Variants in ARL9 observed in about 807,000 individuals in gnomAD.
ARL9 encodes the protein ARF like GTPase 9, also known as ADP-ribosylation factor-like protein 9.
ARL9 carries 14 observed loss-of-function variants against 27.0 expected under a neutral mutation model. The observed-to-expected ratio is 0.52, with a 90% CI of 0.34 to 0.81. ARL9 has a LOEUF of 0.81. Ranked by LOEUF, ARL9 falls within the 30% of genes least tolerant of loss-of-function variation. The pLI, the probability that ARL9 is intolerant of heterozygous loss-of-function variation, is 0.01. For synonymous variants in ARL9, 106 were observed against 108.7 expected, an observed-to-expected ratio of 0.98 and a Z score of 0.15; for missense variants, 294 against 290.0, an observed-to-expected ratio of 1.01 and a Z score of -0.10.
In ARL9 at chr4:56,505,886, G is replaced by C. The variant is rs1465711878; in HGVS notation, c.24G>C (p.Lys8Asn). Residue 8 changes from lysine (K) to asparagine (N), a missense_variant, in exon 1 of 4, where the codon AAG becomes AAC. Lys to Asn is a moderately conservative substitution (Grantham distance 94). Coordinates refer to ENST00000640821, the MANE Select transcript of ARL9 (RefSeq NM_001363794.2). MERGKVK[K>N]KEKEKETQEE... ...GGATGGAGAGGGGGAAAGTGAAGAA[G>C]AAAGAGAAGGAAAAGGAGACGCAGG... 6 of 1,259,662 alleles carry C rather than the reference G, an allele frequency of 4.8e-6. No individual in the cohort carries two copies. Among genetic ancestry groups the C allele is most frequent in the Non-Finnish European group, 5.0e-6 (5 of 1,003,684 alleles). 78.0% of individuals were successfully genotyped at this position (1,259,662 alleles called of 1,614,324 possible).
chr4:56,511,598 A>C (rs762242165), intron 2 of ARL9, among the ~76,000 whole-genome samples: 5 of 152,204 alleles, frequency 3.3e-5, no homozygotes, highest in Non-Finnish European at 7.3e-5. Flanking sequence ...ACTCACTCCT[A>C]TAATCTCCTG....
At chr4:56,509,045 T>C (rs1721548303) in intron 1 of ARL9, among the ~76,000 whole-genome samples, 1 of 152,164 alleles carries the variant, frequency 6.6e-6, no homozygotes, top group African/African-American at 2.4e-5. Flanking sequence ...TTGTTGCTTA[T>C]TTATTATTGT....
chr4:56,510,354 C>CAAAAAAAAAAAAAAAAA (rs769085578), intron 1 of ARL9, among the ~76,000 whole-genome samples: 1 of 75,150 alleles, frequency 1.3e-5, no homozygotes. Context: ...GACTCCAACT[C>CAAAAAAAAAAAAAAAAA]AAAAAAAAAA....
At chr4:56,518,496 C>A (rs956775632) in intron 2 of ARL9, among the ~76,000 whole-genome samples, 182 bp from the exon 3 acceptor site, 2 of 152,142 alleles carry the variant, frequency 1.3e-5, no homozygotes, top group African/African-American at 4.8e-5. Context: ...TTCTTCTCAC[C>A]AACCAGTTTA....
chr4:56,511,197 C>T lies in ARL9; in HGVS notation c.292C>T (p.Gln98Ter). The change falls in exon 2 of 4, where the codon CAA (glutamine) becomes TAA (stop). Residue 98 changes from glutamine (Q) to a stop codon, truncating the protein, a stop_gained. Transcript: ENST00000640821. LOFTEE classifies it high-confidence loss of function. ...TPLEPLEKNK[Q>*]ILVLGLDGAG... ...TTTTGTTTCACAGGAGAAAAACAAG[C>T]AAATCCTAGTGCTGGGCCTGGATGG... The T allele has an allele frequency of 1.9e-6, 3 of 1,585,762 alleles. No homozygotes were observed. Among genetic ancestry groups the T allele is most frequent in the Non-Finnish European group, 2.6e-6 (3 of 1,167,090 alleles).
rs748987182 is a variant in ARL9, at chr4:56,511,331, G to C, written c.426G>C (p.Gln142His). 5 of 1,613,182 alleles carry C rather than the reference G, an allele frequency of 3.1e-6. No homozygotes were observed. Among genetic ancestry groups the C allele is most frequent in the Non-Finnish European group, 4.2e-6 (5 of 1,179,478 alleles). Reference protein sequence around the residue: ...HAVCINTEDSQMEFLEIGGSK... With the variant: ...HAVCINTEDSHMEFLEIGGSK... Reference sequence around the variant, plus strand: ...TTTGCATCAACACTGAAGACAGCCAGATGGAGTTCCTGGAGAGTAAGCTCT... The same window carrying C: ...TTTGCATCAACACTGAAGACAGCCACATGGAGTTCCTGGAGAGTAAGCTCT... Residue 142 changes from glutamine to histidine, a missense_variant, in exon 2 of 4, where the codon CAG becomes CAC. Coordinates refer to ENST00000640821, the MANE Select transcript of ARL9 (RefSeq NM_001363794.2).
chr4:56,519,456 A>G (rs373460058), intron 3 of ARL9, among the ~76,000 whole-genome samples: 2 of 152,116 alleles, frequency 1.3e-5, no homozygotes, highest in East Asian at 3.9e-4. Context: ...CTAAAATACA[A>G]AAGATTAGCC....
At chr4:56,510,819 C>G (rs1721617402) in intron 1 of ARL9, among the ~76,000 whole-genome samples, 1 of 149,358 alleles carries the variant, frequency 6.7e-6, no homozygotes, top group Non-Finnish European at 1.5e-5. Context: ...GTTCCCCAGG[C>G]TGGAGTTCAG....
intron 2 of ARL9, 79 bp from the exon 3 acceptor site, chr4:56,518,599 A>T (rs1578213634): frequency 7.9e-7 from 1 of 1,261,164 alleles, no homozygotes. Flanking sequence ...AGAAATCTAG[A>T]TGTGCCCTCC....
chr4:56,516,750 G>A (rs1286332721), intron 2 of ARL9, among the ~76,000 whole-genome samples: 1 of 152,044 alleles, frequency 6.6e-6, no homozygotes, highest in Admixed American at 6.6e-5. Flanking sequence ...GGGTGACATG[G>A]CGAAACCCAG....
At chr4:56,509,223 G>GGGATGGAGT (rs1721557744) in intron 1 of ARL9, among the ~76,000 whole-genome samples, 1 of 69,662 alleles carries the variant, frequency 1.4e-5, no homozygotes. Flanking sequence ...TTTTTTTTTT[G>GGGATGGAGT]GGATGGAGTC....
intron 2 of ARL9, among the ~76,000 whole-genome samples, chr4:56,514,406 G>T (rs1287191327): frequency 6.6e-6 from 1 of 152,156 alleles, no homozygotes; most frequent in African/African-American, 2.4e-5. Context: ...TCAAAAGTTA[G>T]TTCCTTGAAT....
At chr4:56,514,175 A>G (rs1721713802) in intron 2 of ARL9, among the ~76,000 whole-genome samples, 1 of 152,218 alleles carries the variant, frequency 6.6e-6, no homozygotes, top group Non-Finnish European at 1.5e-5. Context: ...TGTCTCAAAA[A>G]AGAAGATGAC....
chr4:56,505,290 T>G, upstream of ARL9: 3 of 416,920 alleles, frequency 7.2e-6, no homozygotes, highest in South Asian at 5.0e-5. Flanking sequence ...CGGAGTTTAC[T>G]CGGGAGAGGG....
chr4:56,516,410 A>T (rs911727009), intron 2 of ARL9, among the ~76,000 whole-genome samples: 1 of 152,116 alleles, frequency 6.6e-6, no homozygotes. Context: ...AAAATAGGGG[A>T]AGATACATGC....
At chr4:56,515,068 A>G (rs1721733321) in intron 2 of ARL9, among the ~76,000 whole-genome samples, 1 of 152,102 alleles carries the variant, frequency 6.6e-6, no homozygotes, top group African/African-American at 2.4e-5. Flanking sequence ...ACCTGGCCCA[A>G]CATGGTGAAA....
rs148501226 is a variant in ARL9 at position 56,511,148 on chromosome 4, T to G, written c.280-37T>G. ...AAGACCCAGAAAAATGAGCCCCTGA[T>G]AGCATGGGCTTATTGATTTATCTTT... On this transcript the variant is annotated intron_variant, in intron 1 of 3. Coordinates refer to ENST00000640821, the MANE Select transcript of ARL9 (RefSeq NM_001363794.2). 5,882 of 1,492,096 alleles carry G rather than the reference T, an allele frequency of 3.9e-3. 22 individuals are homozygous for G. The highest frequency in any genetic ancestry group is 4.6e-3 in the Non-Finnish European group (5,109 of 1,120,218). The allele number at this position is 1,492,096 out of a possible 1,614,324, so 92.4% of individuals were successfully genotyped here. A position where few individuals can be genotyped will look rare whatever the true frequency, so the allele number is the denominator to read the frequency against.
At chr4:56,511,952 T>A (rs555556359) in intron 2 of ARL9, among the ~76,000 whole-genome samples, 1 of 152,198 alleles carries the variant, frequency 6.6e-6, no homozygotes, top group Non-Finnish European at 1.5e-5. Context: ...AATGCTTGAT[T>A]TTTCCAATAT....
In ARL9 at chr4:56,506,096, G is replaced by A. The variant is rs1005738951; in HGVS notation, c.234G>A (p.Gly78=). The A allele has an allele frequency of 4.1e-5, 50 of 1,234,000 alleles. No individual in the cohort carries two copies. Among genetic ancestry groups the A allele is most frequent in the Non-Finnish European group, 4.7e-5 (47 of 989,540 alleles). The allele number at this position is 1,234,000 out of a possible 1,614,324, so 76.4% of individuals were successfully genotyped here. ...AATTTAAGGGACAAGAAGAGAAAGG[G>A]GAGAACAAGGACAGCACCTTGACAA... ...KEQFKGQEEK[G]ENKDSTLTRT... The change falls in exon 1 of 4, where the codon GGG becomes GGA. Residue 78 remains glycine (G), a synonymous_variant. Coordinates refer to ENST00000640821, the MANE Select transcript of ARL9 (RefSeq NM_001363794.2).
Sources: allele counts gnomAD v4.1 joint callset (sites outside exome capture counted in the v4.1 genomes callset), GRCh38; gene constraint gnomAD v4.1.1; transcripts MANE v1.5; gene names NCBI Gene and HGNC (gene_info 2026-07-23, HGNC 2026-07-21).